CSNK1G1: variants seen among roughly 807,000 people sequenced by gnomAD.
CSNK1G1 encodes the protein casein kinase 1 gamma 1.
In CSNK1G1, 22 loss-of-function variants were observed where a neutral mutation model predicts 59.6. The ratio of observed to expected loss-of-function variants is 0.37; its 90% CI spans 0.26 to 0.53. The LOEUF (loss-of-function observed/expected upper bound fraction) is 0.53, where lower values mean the gene tolerates loss of function less well. Among genes scored for constraint, CSNK1G1 ranks in the 20% least tolerant of loss-of-function variants. CSNK1G1 has a pLI of 0.89. For missense variants in CSNK1G1, 384 were observed against 519.5 expected, an observed-to-expected ratio of 0.74 and a Z score of 2.54; for synonymous variants, 179 against 177.1, an observed-to-expected ratio of 1.01 and a Z score of -0.08.
chr15:64,302,185 T>C (rs1277188698), intron 1 of CSNK1G1, among the ~76,000 whole-genome samples: 3 of 152,140 alleles, frequency 2.0e-5, no homozygotes, highest in African/African-American at 7.2e-5. Context: ...CTGCAACCTC[T>C]GCCTCCCAGG....
At chr15:64,318,165 CATATAT>C (rs142637857) in intron 1 of CSNK1G1, among the ~76,000 whole-genome samples, 1 of 150,772 alleles carries the variant, frequency 6.6e-6, no homozygotes, top group Non-Finnish European at 1.5e-5. Context: ...AAAAATTAAT[CATATAT>C]ATATATATTT....
chr15:64,336,595 C>CA (rs1431705785), intron 1 of CSNK1G1, among the ~76,000 whole-genome samples: 3 of 151,378 alleles, frequency 2.0e-5, no homozygotes, highest in Admixed American at 1.3e-4. Flanking sequence ...CCATCTCAAA[C>CA]AAAAAAATAA....
rs71447372 is a variant in CSNK1G1, at chr15:64,182,053, G to GTTTTTTTTTTTTTTTTT, written c.1108-1616_1108-1600dup. The GTTTTTTTTTTTTTTTTT allele has an allele frequency of 2.4e-5, 2 of 83,236 alleles. 1 individual carries two copies. Among genetic ancestry groups the GTTTTTTTTTTTTTTTTT allele is most frequent in the Non-Finnish European group, 4.6e-5 (2 of 43,752 alleles). The allele number at this position is 83,236 out of a possible 1,614,324, so 5.2% of individuals were successfully genotyped here. A position where few individuals can be genotyped will look rare whatever the true frequency, so the allele number is the denominator to read the frequency against. ...TAATTATTGTTCTCATTAGTAACCCGTTTTTTTTTTTTTTTTTTTTTTTTT... is the reference window on the plus strand; with the variant it reads ...TAATTATTGTTCTCATTAGTAACCCGTTTTTTTTTTTTTTTTTTTTTTTTTTTTTTTTTTTTTTTTTT... On this transcript the variant is annotated intron_variant, in intron 10 of 11. Coordinates refer to ENST00000303052, the MANE Select transcript of CSNK1G1 (RefSeq NM_022048.5).
At chr15:64,177,713 T>C (rs77278562) in intron 11 of CSNK1G1, among the ~76,000 whole-genome samples, 2 of 152,340 alleles carry the variant, frequency 1.3e-5, no homozygotes, top group African/African-American at 4.8e-5. Flanking sequence ...AATGAGCCCA[T>C]ATCTTACACA....
chr15:64,344,378 T>C (rs915110809), intron 1 of CSNK1G1, among the ~76,000 whole-genome samples: 1 of 152,228 alleles, frequency 6.6e-6, no homozygotes, highest in African/African-American at 2.4e-5. Context: ...AGAATTCCAT[T>C]GTTGCTTTAT....
chr15:64,215,543 A>G (rs1471722523), intron 5 of CSNK1G1, among the ~76,000 whole-genome samples: 2 of 152,204 alleles, frequency 1.3e-5, no homozygotes, highest in African/African-American at 2.4e-5. Context: ...GAGAAAGAGA[A>G]GCTCAGATAT....
intron 1 of CSNK1G1, among the ~76,000 whole-genome samples, chr15:64,304,614 A>C (rs999904589): frequency 6.6e-6 from 1 of 152,186 alleles, no homozygotes; most frequent in African/African-American, 2.4e-5. Flanking sequence ...GGGAGGTTAC[A>C]TGAAGTCTAA....
chr15:64,186,347 G>C (rs187111987), intron 10 of CSNK1G1, among the ~76,000 whole-genome samples: 1 of 152,282 alleles, frequency 6.6e-6, no homozygotes. Context: ...TCCTGACCTT[G>C]TGATCTGCTC....
chr15:64,213,963 G>A lies in CSNK1G1; in HGVS notation c.606C>T (p.His202=). The part of the protein sequence containing the change: ...KEYIDPETKK[H]IPYREHKSLT... ...AACTTTTGTGTTCCCTATAAGGTATGTGTTTTTTGGTTTCGGGGTCAATGT... is the reference window on the plus strand; with the variant it reads ...AACTTTTGTGTTCCCTATAAGGTATATGTTTTTTGGTTTCGGGGTCAATGT... The change falls in exon 6 of 12, where the codon CAC becomes CAT. Residue 202 remains histidine (H), a synonymous_variant. Coordinates refer to ENST00000303052, the MANE Select transcript of CSNK1G1 (RefSeq NM_022048.5). The A allele has an allele frequency of 1.2e-6, 2 of 1,614,142 alleles. No individual in the cohort carries two copies. Among genetic ancestry groups the A allele is most frequent in the Non-Finnish European group, 1.7e-6 (2 of 1,180,002 alleles).
intron 1 of CSNK1G1, among the ~76,000 whole-genome samples, chr15:64,350,211 C>T (rs1234594850): frequency 6.6e-6 from 1 of 152,040 alleles, no homozygotes; most frequent in Admixed American, 6.6e-5. Flanking sequence ...ATGGTTTTAT[C>T]GGCTGGTCGC....
In CSNK1G1 at chr15:64,216,196, G is replaced by A. The variant is rs1050584877; in HGVS notation, c.444+366C>T. 1.5e-4 allele frequency among the ~76,000 whole-genome samples: 23 copies of A among 152,038 alleles called. No individual in the cohort carries two copies. Among genetic ancestry groups the A allele is most frequent in the African/African-American group, 5.6e-4 (23 of 41,400 alleles). On this transcript the variant is annotated intron_variant, in intron 5 of 11. Coordinates refer to ENST00000303052, the MANE Select transcript of CSNK1G1 (RefSeq NM_022048.5). The surrounding 1 kb of genome is among the most constrained non-coding windows in gnomAD (Gnocchi z 4.6). ...GCTATGATCATGCTACTGTACTCTA[G>A]CCTGGGTGACAGAGACCCTGTCTCA... is the stretch of plus-strand genomic sequence containing the variant.
intron 4 of CSNK1G1, among the ~76,000 whole-genome samples, chr15:64,234,254 A>C (rs1473214957): frequency 6.6e-6 from 1 of 152,144 alleles, no homozygotes; most frequent in Non-Finnish European, 1.5e-5. Context: ...TTTGTTTTTA[A>C]CATGAGGCTG....
chr15:64,184,694 A>T (rs1014495598), intron 10 of CSNK1G1, among the ~76,000 whole-genome samples: 2 of 151,628 alleles, frequency 1.3e-5, no homozygotes, highest in African/African-American at 4.8e-5. Flanking sequence ...AAAAAAAAAA[A>T]GATTTGCATA....
At chr15:64,333,528 G>A (rs898708441) in intron 1 of CSNK1G1, among the ~76,000 whole-genome samples, 2 of 144,928 alleles carry the variant, frequency 1.4e-5, no homozygotes, top group African/African-American at 5.1e-5. Flanking sequence ...ATAACATAAT[G>A]AGGACAACAA....
At chr15:64,270,715 G>A (rs967119971) in intron 2 of CSNK1G1, among the ~76,000 whole-genome samples, 10 of 150,208 alleles carry the variant, frequency 6.7e-5, no homozygotes, top group African/African-American at 2.0e-4. Flanking sequence ...AGCAGAGATC[G>A]TGCCACTGCA....
At chr15:64,296,384 G>A (rs1895023358) in intron 2 of CSNK1G1, among the ~76,000 whole-genome samples, 1 of 152,106 alleles carries the variant, frequency 6.6e-6, no homozygotes, top group Non-Finnish European at 1.5e-5. Context: ...GCCTCCCAAA[G>A]TGCTGGGATT....
intron 3 of CSNK1G1, 184 bp downstream of exon 3, chr15:64,259,017 T>TTATA (rs1892546236): frequency 1.9e-6 from 1 of 513,838 alleles, no homozygotes; most frequent in African/African-American, 2.0e-5. Flanking sequence ...CTATATAGTG[T>TTATA]TATATAGTAT....
intron 4 of CSNK1G1, among the ~76,000 whole-genome samples, chr15:64,246,318 G>A (rs1400828679): frequency 2.0e-5 from 3 of 152,116 alleles, no homozygotes; most frequent in Non-Finnish European, 4.4e-5. Flanking sequence ...CATTTGTGAA[G>A]TTTCAACTGG....
At chr15:64,174,419 G>A (rs146796762) in intron 11 of CSNK1G1, among the ~76,000 whole-genome samples, 117 of 152,286 alleles carry the variant, frequency 7.7e-4, no homozygotes, top group African/African-American at 2.6e-3. Context: ...AAGAAAGCAG[G>A]CCCCACAATC....
Sources: allele counts gnomAD v4.1 joint callset (sites outside exome capture counted in the v4.1 genomes callset), GRCh38; gene constraint gnomAD v4.1.1; non-coding constraint Gnocchi (gnomAD v3.1); transcripts MANE v1.5; gene names NCBI Gene and HGNC (gene_info 2026-07-23, HGNC 2026-07-21).